CCDC170: variants seen among roughly 807,000 people sequenced by gnomAD.
CCDC170 encodes coiled-coil domain containing 170.
A neutral mutation model predicts 72.6 loss-of-function variants in CCDC170; 69 were observed. That is an observed-to-expected ratio of 0.95 (90% CI 0.78 to 1.16). The LOEUF (loss-of-function observed/expected upper bound fraction) is 1.16, where lower values mean the gene tolerates loss of function less well. Among genes scored for constraint, CCDC170 ranks in the 50% most tolerant of loss-of-function variants. The pLI is 0.00. For synonymous variants in CCDC170, 300 were observed against 303.9 expected, an observed-to-expected ratio of 0.99 and a Z score of 0.13; for missense variants, 852 against 832.5, an observed-to-expected ratio of 1.02 and a Z score of -0.29.
intron 9 of CCDC170, among the ~76,000 whole-genome samples, chr6:151,609,414 G>A (rs1242163830): frequency 2.0e-5 from 3 of 152,176 alleles, no homozygotes; most frequent in African/African-American, 7.2e-5. Flanking sequence ...CTCTCAGGGA[G>A]CCAACACACC....
At position 151,506,626 on chromosome 6, in the gene CCDC170, A is replaced by G. The variant is rs557702728; in HGVS notation, c.57+12441A>G. The stretch of plus-strand genomic sequence containing the variant: ...CATGAAGATTTTTGTAACCTTGTGT[A>G]ATGGTCTGGTATTAACCTTAAGACC... On this transcript the variant is annotated intron_variant, in intron 1 of 10. Coordinates refer to ENST00000239374, the MANE Select transcript of CCDC170 (RefSeq NM_025059.4). Among the ~76,000 whole-genome samples, 325 of 152,290 alleles carry G rather than the reference A, an allele frequency of 2.1e-3. 1 individual carries two copies. Among genetic ancestry groups the G allele is most frequent in the South Asian group, 0.012 (60 of 4,824 alleles).
chr6:151,594,915 T>A (rs1431713136), intron 8 of CCDC170, among the ~76,000 whole-genome samples: 1 of 152,210 alleles, frequency 6.6e-6, no homozygotes, highest in Non-Finnish European at 1.5e-5. Context: ...CCTCCCAAAG[T>A]GCTGGAATTA....
intron 5 of CCDC170, among the ~76,000 whole-genome samples, chr6:151,564,394 C>T (rs1776094346): frequency 6.6e-6 from 1 of 152,018 alleles, no homozygotes; most frequent in Admixed American, 6.6e-5. Flanking sequence ...CCGATGGGAA[C>T]AGCAGTGGGC....
In CCDC170 at chr6:151,541,890, T is replaced by A. The variant is rs111431480; in HGVS notation, c.444-2682T>A. On this transcript the variant is annotated intron_variant, in intron 3 of 10. Coordinates refer to ENST00000239374, the MANE Select transcript of CCDC170 (RefSeq NM_025059.4). ...AATATATATATATATATATATATTTTTTTTTTTAAGACAGAGTCTTGCTTT... is the reference window on the plus strand; with the variant it reads ...AATATATATATATATATATATATTTATTTTTTTAAGACAGAGTCTTGCTTT... 4.0e-3 allele frequency among the ~76,000 whole-genome samples: 566 copies of A among 143,130 alleles called. 1 individual carries two copies. The highest frequency in any genetic ancestry group is 0.013 in the African/African-American group (525 of 39,780). The allele number at this position is 143,130 out of a possible 152,430, so 93.9% of individuals were successfully genotyped here. A position where few individuals can be genotyped will look rare whatever the true frequency, so the allele number is the denominator to read the frequency against.
chr6:151,533,052 C>CTTTTT (rs58383930), intron 1 of CCDC170, among the ~76,000 whole-genome samples: 1 of 118,040 alleles, frequency 8.5e-6, no homozygotes, highest in African/African-American at 3.4e-5. Context: ...GACTATTTCT[C>CTTTTT]TTTTTTTTTT....
intron 5 of CCDC170, among the ~76,000 whole-genome samples, chr6:151,572,498 CAT>C (rs890334109): frequency 6.6e-6 from 1 of 152,064 alleles, no homozygotes; most frequent in Non-Finnish European, 1.5e-5. Context: ...GTTCTATAAA[CAT>C]ATTCTACATA....
At chr6:151,599,336 G>C (rs1322726018) in intron 9 of CCDC170, among the ~76,000 whole-genome samples, 1 of 152,176 alleles carries the variant, frequency 6.6e-6, no homozygotes, top group Admixed American at 6.6e-5. Context: ...TCTTTGCCAA[G>C]ACTTTATAAA....
chr6:151,548,336 G>A lies in CCDC170; in HGVS notation c.621G>A (p.Val207=), dbSNP rs1266271104. Residue 207 remains valine, a synonymous_variant, in exon 5 of 11, where the codon GTG becomes GTA. Coordinates refer to ENST00000239374, the MANE Select transcript of CCDC170 (RefSeq NM_025059.4). ...ACCTGCGCAAAGAAAATGAATTCGT[G>A]AAAGGACAAATTGTTATTCTTGAAG... ...LRDLRKENEF[V]KGQIVILEET... The A allele has an allele frequency of 6.3e-7, 1 of 1,595,538 alleles. No homozygotes were observed. The highest frequency in any genetic ancestry group is 1.1e-5 in the South Asian group (1 of 88,340).
At chr6:151,557,924 C>A (rs1783009712) in intron 5 of CCDC170, among the ~76,000 whole-genome samples, 1 of 152,152 alleles carries the variant, frequency 6.6e-6, no homozygotes, top group African/African-American at 2.4e-5. Flanking sequence ...CATGGCCAAA[C>A]TCCATCTCTG....
chr6:151,612,369 C>G (rs553361967), intron 9 of CCDC170, among the ~76,000 whole-genome samples: 1 of 152,328 alleles, frequency 6.6e-6, no homozygotes, highest in East Asian at 1.9e-4. Context: ...AGCCCTTCAG[C>G]AATACATAAT....
At position 151,620,633 on chromosome 6, in the gene CCDC170, A is replaced by G. The variant is rs1413004735; in HGVS notation, c.*2486A>G. ...CTGCCCCACCCTGAATCATGCACCC[A>G]TAAATGCAGTTATGGGTGGATGTGG... On this transcript the variant is annotated 3_prime_UTR_variant, in exon 11 of 11. Coordinates refer to ENST00000239374, the MANE Select transcript of CCDC170 (RefSeq NM_025059.4). 1 of 152,158 alleles carries G rather than the reference A, an allele frequency of 6.6e-6. No homozygotes were observed. The highest frequency in any genetic ancestry group is 2.4e-5 in the African/African-American group (1 of 41,434). 9.4% of individuals were successfully genotyped at this position (152,158 alleles called of 1,614,324 possible).
chr6:151,521,165 G>A (rs1378735425), intron 1 of CCDC170, among the ~76,000 whole-genome samples: 1 of 152,092 alleles, frequency 6.6e-6, no homozygotes, highest in African/African-American at 2.4e-5. Context: ...ACCCTCCCCA[G>A]CTGCCTCCTG....
At chr6:151,616,731 G>A (rs1313103579) in intron 10 of CCDC170, among the ~76,000 whole-genome samples, 1 of 152,138 alleles carries the variant, frequency 6.6e-6, no homozygotes, top group Non-Finnish European at 1.5e-5. Context: ...AGTTCTGGAG[G>A]CTGAGAAGTC....
chr6:151,521,555 A>G (rs1782315726), intron 1 of CCDC170, among the ~76,000 whole-genome samples: 1 of 152,182 alleles, frequency 6.6e-6, no homozygotes. Context: ...TTCTTAGTTA[A>G]CAGGATATTT....
chr6:151,573,297 A>AT lies in CCDC170; in HGVS notation c.898_899insT (p.Lys300IlefsTer5). 1.9e-6 allele frequency: 3 copies of AT among 1,614,202 alleles called. No individual in the cohort carries two copies. Among genetic ancestry groups the AT allele is most frequent in the Non-Finnish European group, 2.5e-6 (3 of 1,180,030 alleles). On this transcript the variant is annotated frameshift_variant, in exon 6 of 11. Transcript: ENST00000239374. LOFTEE classifies it high-confidence loss of function. ...AAAGCAGGAAGTGAGCCTCCTGAAG[A>AT]AAAGCTCTTCTGAGTTGGAGAAGAG... is the stretch of plus-strand genomic sequence containing the variant.
At chr6:151,565,521 TC>T (rs1030195115) in intron 5 of CCDC170, among the ~76,000 whole-genome samples, 2 of 152,210 alleles carry the variant, frequency 1.3e-5, no homozygotes, top group Admixed American at 1.3e-4. Flanking sequence ...TTCCTCCCCT[TC>T]CTTGCCCTAG....
intron 1 of CCDC170, among the ~76,000 whole-genome samples, chr6:151,526,845 A>C (rs1256456936): frequency 1.3e-5 from 2 of 151,930 alleles, no homozygotes; most frequent in African/African-American, 2.4e-5. Flanking sequence ...GAGTGTTAAG[A>C]ATATTTTAGA....
chr6:151,603,474 G>A (rs1284126965), intron 9 of CCDC170, among the ~76,000 whole-genome samples: 1 of 152,138 alleles, frequency 6.6e-6, no homozygotes, highest in Admixed American at 6.5e-5. Context: ...CACAAACATA[G>A]CCTTATACAC....
At chr6:151,502,988 T>G (rs1782013570) in intron 1 of CCDC170, among the ~76,000 whole-genome samples, 1 of 151,982 alleles carries the variant, frequency 6.6e-6, no homozygotes. Flanking sequence ...GCCAACATGG[T>G]GAAACCCCGT....
Sources: gnomAD v4.1 joint callset for allele counts (sites outside exome capture counted in the v4.1 genomes callset) on GRCh38, gnomAD v4.1.1 for gene constraint, MANE v1.5 for transcripts, NCBI Gene and HGNC (gene_info 2026-07-23, HGNC 2026-07-21) for gene names.